IQCM: variants seen among roughly 807,000 people sequenced by gnomAD.
IQCM encodes IQ domain-containing protein M.
A neutral mutation model predicts 57.6 loss-of-function variants in IQCM; 45 were observed. That is an observed-to-expected ratio of 0.78 (90% CI 0.62 to 1.00). The LOEUF is 1.00. Ranked by LOEUF, IQCM falls within the 50% of genes least tolerant of loss-of-function variation. The pLI is 0.00. For missense variants in IQCM, 468 were observed against 511.6 expected (o/e 0.91, Z 0.82); for synonymous variants, 148 against 158.9 (o/e 0.93, Z 0.51).
chr4:149,772,798 T>C (rs1483163812), intron 2 of IQCM, among the ~76,000 whole-genome samples: 2 of 152,214 alleles, frequency 1.3e-5, no homozygotes, highest in Non-Finnish European at 2.9e-5. Flanking sequence ...TTACTTAAAC[T>C]AACAACTAGA....
chr4:149,378,345 G>A (rs1158733067), intron 13 of IQCM, among the ~76,000 whole-genome samples: 3 of 152,152 alleles, frequency 2.0e-5, no homozygotes, highest in African/African-American at 4.8e-5. Context: ...CTCAGAAAAA[G>A]ATAGGAAAAT....
intron 13 of IQCM, among the ~76,000 whole-genome samples, chr4:149,422,906 A>C (rs762203071): frequency 8.5e-5 from 13 of 152,082 alleles, no homozygotes; most frequent in Non-Finnish European, 5.9e-5. Flanking sequence ...TGGTTATATT[A>C]GAGAGTAAGT....
At chr4:149,578,575 A>G (rs1051024524) in intron 9 of IQCM, among the ~76,000 whole-genome samples, 1 of 151,742 alleles carries the variant, frequency 6.6e-6, no homozygotes, top group African/African-American at 2.4e-5. Context: ...TTAGTCAGTC[A>G]TGGAGAAGAG....
At chr4:149,559,078 T>C (rs1367786603) in intron 10 of IQCM, among the ~76,000 whole-genome samples, 1 of 152,138 alleles carries the variant, frequency 6.6e-6, no homozygotes, top group Non-Finnish European at 1.5e-5. Flanking sequence ...GAATCATTCT[T>C]GACTCCACCC....
chr4:149,810,275 T>C (rs966967007), intron 2 of IQCM, among the ~76,000 whole-genome samples: 2 of 150,342 alleles, frequency 1.3e-5, no homozygotes, highest in African/African-American at 4.9e-5. Context: ...GGCAGGAGGA[T>C]TGTTTGGGCC....
intron 12 of IQCM, among the ~76,000 whole-genome samples, chr4:149,481,701 G>GTTTTTTTTTTTTGTT (rs751057249): frequency 1.9e-5 from 1 of 51,550 alleles, no homozygotes; most frequent in African/African-American, 7.6e-5. Flanking sequence ...TTCCAGTTTT[G>GTTTTTTTTTTTTGTT]TTTTTTTTTT....
intron 13 of IQCM, among the ~76,000 whole-genome samples, chr4:149,362,802 A>G (rs1225864942): frequency 6.6e-6 from 1 of 152,210 alleles, no homozygotes; most frequent in Non-Finnish European, 1.5e-5. Context: ...TCAAAGGGAT[A>G]CATCCAGAAC....
chr4:149,535,996 G>C (rs186429109), intron 12 of IQCM, among the ~76,000 whole-genome samples: 5 of 152,088 alleles, frequency 3.3e-5, no homozygotes, highest in Admixed American at 3.3e-4. Flanking sequence ...CTAGGGAAGA[G>C]AGCAGGCAGA....
At chr4:149,578,536 T>C (rs1345816201) in intron 9 of IQCM, among the ~76,000 whole-genome samples, 2 of 151,756 alleles carry the variant, frequency 1.3e-5, no homozygotes, top group Non-Finnish European at 2.9e-5. Flanking sequence ...TTATTCCTCT[T>C]GGGGATACTT....
intron 12 of IQCM, among the ~76,000 whole-genome samples, chr4:149,546,060 C>T (rs1164862358): frequency 6.6e-6 from 1 of 152,232 alleles, no homozygotes; most frequent in South Asian, 2.1e-4. Context: ...TGAGTGAGAA[C>T]ATGCGGTGTT....
intron 8 of IQCM, among the ~76,000 whole-genome samples, chr4:149,592,177 G>A (rs987866191): frequency 1.3e-5 from 2 of 152,098 alleles, no homozygotes; most frequent in African/African-American, 2.4e-5. Flanking sequence ...TCTCATTGTG[G>A]TTTTGATATG....
chr4:149,600,865 T>C (rs903625511), intron 8 of IQCM, among the ~76,000 whole-genome samples: 3 of 152,220 alleles, frequency 2.0e-5, no homozygotes, highest in Non-Finnish European at 4.4e-5. Flanking sequence ...ATTATCCAAA[T>C]ACCTAGAAAA....
At chr4:149,554,964 G>A (rs1203020764) in intron 10 of IQCM, among the ~76,000 whole-genome samples, 1 of 152,232 alleles carries the variant, frequency 6.6e-6, no homozygotes, top group African/African-American at 2.4e-5. Context: ...CTCCCAAAGT[G>A]CAGTGATTAC....
chr4:149,690,629 C>T (rs903557169), intron 5 of IQCM, among the ~76,000 whole-genome samples: 4 of 151,966 alleles, frequency 2.6e-5, no homozygotes, highest in Non-Finnish European at 5.9e-5. Flanking sequence ...AGATTATGTG[C>T]AAATACATAC....
chr4:149,535,496 G>A (rs1454654752), intron 12 of IQCM, among the ~76,000 whole-genome samples: 1 of 151,918 alleles, frequency 6.6e-6, no homozygotes, highest in Non-Finnish European at 1.5e-5. Context: ...AATAAACAGA[G>A]ATCTAACAAA....
At chr4:149,791,474 A>T (rs1269420912) in intron 2 of IQCM, among the ~76,000 whole-genome samples, 1 of 152,124 alleles carries the variant, frequency 6.6e-6, no homozygotes, top group African/African-American at 2.4e-5. Context: ...ATGCAAAAAA[A>T]TGGTTAACTG....
At chr4:149,669,048 T>C (rs1760999320) in intron 7 of IQCM, among the ~76,000 whole-genome samples, 2 of 152,094 alleles carry the variant, frequency 1.3e-5, no homozygotes, top group Non-Finnish European at 2.9e-5. Context: ...ACTCAACTGA[T>C]AGAAGATGTC....
chr4:149,741,350 A>G (rs1767438934), intron 3 of IQCM, among the ~76,000 whole-genome samples: 1 of 152,112 alleles, frequency 6.6e-6, no homozygotes, highest in Non-Finnish European at 1.5e-5. Flanking sequence ...GTACTGCCCA[A>G]AAATCTTTCT....
chr4:149,663,978 T>C (rs777649110), intron 7 of IQCM, among the ~76,000 whole-genome samples: 6 of 152,152 alleles, frequency 3.9e-5, no homozygotes, highest in Non-Finnish European at 5.9e-5. Context: ...CACTTAATGA[T>C]GTTCCCTAAG....
Sources: allele counts gnomAD v4.1 joint callset (sites outside exome capture counted in the v4.1 genomes callset), GRCh38; gene constraint gnomAD v4.1.1; transcripts MANE v1.5; gene names NCBI Gene and HGNC (gene_info 2026-07-23, HGNC 2026-07-21).